The following LRBA variants were observed in gnomAD, a reference collection of about 807,000 sequenced individuals.
LRBA encodes the protein lipopolysaccharide-responsive and beige-like anchor protein.
A neutral mutation model predicts 330.0 loss-of-function variants in LRBA; 176 were observed. That is an observed-to-expected ratio of 0.53 (90% CI 0.47 to 0.60). LRBA has a LOEUF of 0.60. Ranked by LOEUF, LRBA falls within the 20% of genes least tolerant of loss-of-function variation. LRBA has a pLI of 0.00. For missense variants in LRBA, 3,259 were observed against 3,444.8 expected (o/e 0.95, Z 1.35); for synonymous variants, 1,230 against 1,193.0 (o/e 1.03, Z -0.64).
chr4:150,405,068 C>A (rs1265210337), intron 47 of LRBA, among the ~76,000 whole-genome samples: 1 of 152,102 alleles, frequency 6.6e-6, no homozygotes, highest in Non-Finnish European at 1.5e-5. Context: ...AAGCTTTTAA[C>A]CCAGCCATAT....
At chr4:150,979,487 G>A (rs1740595049) in intron 2 of LRBA, among the ~76,000 whole-genome samples, 1 of 152,058 alleles carries the variant, frequency 6.6e-6, no homozygotes, top group African/African-American at 2.4e-5. Flanking sequence ...TAAGCATACA[G>A]AAAAACACAA....
intron 37 of LRBA, among the ~76,000 whole-genome samples, chr4:150,682,659 G>A (rs1258716690): frequency 6.6e-6 from 1 of 151,890 alleles, no homozygotes; most frequent in African/African-American, 2.4e-5. Context: ...TCTAACACTG[G>A]ATTTTGATGT....
At chr4:150,515,130 C>T (rs1762204631) in intron 40 of LRBA, among the ~76,000 whole-genome samples, 1 of 152,076 alleles carries the variant, frequency 6.6e-6, no homozygotes, top group Non-Finnish European at 1.5e-5. Context: ...ATTTTTATCA[C>T]TGAATAAAGA....
At position 150,583,271 on chromosome 4, in the gene LRBA, A is replaced by G. The variant is rs920016703; in HGVS notation, c.6330+4777T>C. ...GAATTTGAGGTGGTGCTCTACCTAA[A>G]CCAGATGGGCGTCTTCAACTTCGTG... On this transcript the variant is annotated intron_variant, in intron 40 of 56. Transcript: ENST00000651943. This position sits in a 1 kb window ranked among gnomAD's most constrained non-coding sequence, Gnocchi z 9.8. 2 of 1,613,946 alleles carry G rather than the reference A, an allele frequency of 1.2e-6. No homozygotes were observed. The highest frequency in any genetic ancestry group is 1.7e-6 in the Non-Finnish European group (2 of 1,180,004).
rs189555372 is a variant in LRBA, at chr4:150,528,376, C to T, written c.6331-37341G>A. 5.3e-3 allele frequency among the ~76,000 whole-genome samples: 799 copies of T among 152,038 alleles called. 1 individual carries two copies. Among genetic ancestry groups the T allele is most frequent in the Non-Finnish European group, 8.3e-3 (567 of 67,994 alleles). On this transcript the variant is annotated intron_variant, in intron 40 of 56. Transcript: ENST00000651943. ...ATTAGCCAGGCGTGGTGGTGGGCGC[C>T]TGTAGTCTTAGCTACTCGGGATGCT...
At position 150,946,917 on chromosome 4, in the gene LRBA, C is replaced by CAAA. The variant is rs34474606; in HGVS notation, c.217-17855_217-17853dup. Among the ~76,000 whole-genome samples the CAAA allele has an allele frequency of 8.5e-5, 10 of 117,698 alleles. No homozygotes were observed. The South Asian group carries it at 2.6e-3, about 31-fold the overall frequency. 77.2% of individuals were successfully genotyped at this position (117,698 alleles called of 152,430 possible). ...CTATCACTACAGGCCTTAGAGGCAG[C>CAAA]AAAAAAAAAAAAAATAGGGAATACT... On this transcript the variant is annotated intron_variant, in intron 2 of 56. Coordinates refer to ENST00000651943, the MANE Select transcript of LRBA (RefSeq NM_001364905.1).
chr4:150,329,216 A>C (rs901576097), intron 48 of LRBA, among the ~76,000 whole-genome samples: 1 of 152,200 alleles, frequency 6.6e-6, no homozygotes. Flanking sequence ...CTCAGACACA[A>C]ATGCTTTACT....
intron 36 of LRBA, among the ~76,000 whole-genome samples, chr4:150,687,634 T>G (rs948648993): frequency 6.6e-6 from 1 of 152,100 alleles, no homozygotes; most frequent in Non-Finnish European, 1.5e-5. Context: ...AAACTCAATA[T>G]AGGATAAATA....
intron 22 of LRBA, among the ~76,000 whole-genome samples, chr4:150,858,245 T>C (rs1244979023): frequency 6.6e-6 from 1 of 152,182 alleles, no homozygotes; most frequent in African/African-American, 2.4e-5. Flanking sequence ...CAGTCCCAGC[T>C]ACTGGAGAGG....
chr4:150,482,809 C>T (rs564764298), intron 42 of LRBA, among the ~76,000 whole-genome samples: 7 of 152,042 alleles, frequency 4.6e-5, no homozygotes, highest in African/African-American at 1.2e-4. Flanking sequence ...TGTGTTTATT[C>T]GGTATCTATA....
In LRBA at chr4:150,523,466, C is replaced by T. The variant is rs112206437; in HGVS notation, c.6331-32431G>A. ...CAGACACAAATGGTACTGACTTCAC[C>T]GTGGAATTCCCAGACACCAGAACTA... On this transcript the variant is annotated intron_variant, in intron 40 of 56. Coordinates refer to ENST00000651943, the MANE Select transcript of LRBA (RefSeq NM_001364905.1). Among the ~76,000 whole-genome samples, 959 of 152,174 alleles carry T rather than the reference C, an allele frequency of 6.3e-3. 11 individuals are homozygous for T. Among genetic ancestry groups the T allele is most frequent in the African/African-American group, 0.022 (913 of 41,526 alleles).
At chr4:150,808,231 T>A in intron 32 of LRBA, 89 bp downstream of exon 32, 1 of 804,466 alleles carries the variant, frequency 1.2e-6, no homozygotes, top group African/African-American at 1.7e-5. Context: ...TGAAATGAAA[T>A]GAAATGAAAC....
At chr4:150,946,435 A>AATCAATG (rs1239669351) in intron 2 of LRBA, among the ~76,000 whole-genome samples, 1 of 152,182 alleles carries the variant, frequency 6.6e-6, no homozygotes, top group East Asian at 1.9e-4. Context: ...GACCACAATG[A>AATCAATG]AATCAAACTA....
intron 2 of LRBA, among the ~76,000 whole-genome samples, chr4:150,968,291 C>T (rs1937036414): frequency 6.6e-6 from 1 of 152,174 alleles, no homozygotes. Context: ...GCATGAGCCA[C>T]TGTGCCCGGC....
chr4:151,014,391 A>G, intron 2 of LRBA, 36 bp downstream of exon 2: 1 of 1,539,726 alleles, frequency 6.5e-7, no homozygotes, highest in South Asian at 1.1e-5. Context: ...AACCCACTGA[A>G]AAGAGTATAT....
chr4:150,676,221 C>CTTGTA (rs1431404105), intron 37 of LRBA, among the ~76,000 whole-genome samples: 6 of 152,130 alleles, frequency 3.9e-5, no homozygotes, highest in African/African-American at 1.4e-4. Context: ...TCACACTAAT[C>CTTGTA]TTGTATTAGA....
chr4:150,316,259 T>TA (rs1245121135), intron 50 of LRBA, among the ~76,000 whole-genome samples: 1 of 152,116 alleles, frequency 6.6e-6, no homozygotes, highest in Non-Finnish European at 1.5e-5. Context: ...GGTTTCAATT[T>TA]AAAAATACTC....
intron 42 of LRBA, among the ~76,000 whole-genome samples, chr4:150,484,030 G>GT (rs1757594278): frequency 1.3e-5 from 2 of 151,970 alleles, no homozygotes; most frequent in South Asian, 2.1e-4. Context: ...TGTTGTTGCT[G>GT]TTTTTTTCCT....
chr4:150,287,301 C>T (rs906090122), intron 53 of LRBA, among the ~76,000 whole-genome samples: 1 of 152,200 alleles, frequency 6.6e-6, no homozygotes, highest in Non-Finnish European at 1.5e-5. Flanking sequence ...AAAACTAACC[C>T]GGCTTCCAAA....
Sources: gnomAD v4.1 joint callset for allele counts (sites outside exome capture counted in the v4.1 genomes callset) on GRCh38, gnomAD v4.1.1 for gene constraint, Gnocchi (gnomAD v3.1) non-coding constraint, MANE v1.5 for transcripts, NCBI Gene and HGNC (gene_info 2026-07-23, HGNC 2026-07-21) for gene names.